The following GBF1 variants were observed in gnomAD, a reference collection of about 807,000 sequenced individuals.
GBF1 encodes Golgi-specific brefeldin A-resistance guanine nucleotide exchange factor 1.
In GBF1, 114 loss-of-function variants were observed where a neutral mutation model predicts 210.5. The ratio of observed to expected loss-of-function variants is 0.54; its 90% CI spans 0.47 to 0.63. The LOEUF is 0.63. GBF1 is among the 30% of genes least tolerant of loss of function. The pLI is 0.00. For synonymous variants in GBF1, 850 were observed against 889.2 expected (o/e 0.96, Z 0.78); for missense variants, 1,851 against 2,357.7 (o/e 0.79, Z 4.45).
Position 102,375,498 on chromosome 10 carries a change from T to C in GBF1, c.3800T>C (p.Leu1267Pro), listed in dbSNP as rs1224881800. 1 of 1,614,042 alleles carries C rather than the reference T, an allele frequency of 6.2e-7. No homozygotes were observed. Among genetic ancestry groups the C allele is most frequent in the African/African-American group, 1.3e-5 (1 of 75,048 alleles). The change falls in exon 30 of 40, where the codon CTC becomes CCC. Residue 1267 changes from leucine (L) to proline (P), a missense_variant. This residue lies in a region of GBF1 where 967 missense variants were observed against 1,247.7 expected (regional missense o/e 0.78). Transcript: ENST00000369983. ...NIHSGDDWAT[L>P]FTLLECIGSG... is the part of the protein sequence containing the mutation. ...CACTCAGGTGATGACTGGGCCACACTCTTCACACTGCTGGAGTGCATCGGC... is the reference window on the plus strand; with the variant it reads ...CACTCAGGTGATGACTGGGCCACACCCTTCACACTGCTGGAGTGCATCGGC...
chr10:102,363,192 A>G lies in GBF1; in HGVS notation c.1877-64A>G, dbSNP rs965676918. 1.1e-5 allele frequency: 16 copies of G among 1,470,900 alleles called. No individual in the cohort carries two copies. Among genetic ancestry groups the G allele is most frequent in the African/African-American group, 6.9e-5 (5 of 71,986 alleles). 91.1% of individuals were successfully genotyped at this position (1,470,900 alleles called of 1,614,324 possible). The stretch of plus-strand genomic sequence containing the variant: ...GTCTTCTGGGCTTGGGATTTGATCT[A>G]TCCTGCAGCTCTGCTTGGCTTCATA... On this transcript the variant is annotated intron_variant, in intron 15 of 39. Coordinates refer to ENST00000369983, the MANE Select transcript of GBF1 (RefSeq NM_001377137.1). The surrounding 1 kb of genome is among the most constrained non-coding windows in gnomAD (Gnocchi z 4.2).
At chr10:102,244,510 G>T (rs550271881), upstream of GBF1, among the ~76,000 whole-genome samples, 1 of 152,164 alleles carries the variant, frequency 6.6e-6, no homozygotes, top group African/African-American at 2.4e-5. Flanking sequence ...GCAAGGGGAG[G>T]AGGCAGCTGG....
At chr10:102,292,692 G>T (rs2076546196) in intron 3 of GBF1, among the ~76,000 whole-genome samples, 1 of 152,110 alleles carries the variant, frequency 6.6e-6, no homozygotes, top group African/African-American at 2.4e-5. Flanking sequence ...AGTCCCTAAA[G>T]TCCTAAGATT....
chr10:102,285,979 A>G (rs1304504738), intron 3 of GBF1, among the ~76,000 whole-genome samples: 1 of 152,158 alleles, frequency 6.6e-6, no homozygotes, highest in Non-Finnish European at 1.5e-5. Flanking sequence ...GCTTTAAAAA[A>G]AAAGGTTGAA....
rs768424104 is a variant in GBF1 at position 102,376,710 on chromosome 10, A to G, written c.4198A>G (p.Ile1400Val). The change falls in exon 32 of 40, where the codon ATT becomes GTT. Residue 1400 changes from isoleucine to valine, a missense_variant. By Grantham distance (29) the Ile-to-Val change is conservative. Coordinates refer to ENST00000369983, the MANE Select transcript of GBF1 (RefSeq NM_001377137.1). ...LLKCVESLSF[I>V]VRDAAHITPD... ...TAAGTGTGTGGAATCGCTGTCCTTCATTGTGCGTGATGCTGCCCACATCAC... is the reference window on the plus strand; with the variant it reads ...TAAGTGTGTGGAATCGCTGTCCTTCGTTGTGCGTGATGCTGCCCACATCAC... 5 of 1,613,220 alleles carry G rather than the reference A, an allele frequency of 3.1e-6. No homozygotes were observed. Among genetic ancestry groups the G allele is most frequent in the African/African-American group, 1.3e-5 (1 of 74,900 alleles).
intron 3 of GBF1, among the ~76,000 whole-genome samples, chr10:102,313,731 C>T (rs758087374): frequency 6.6e-6 from 1 of 152,190 alleles, no homozygotes; most frequent in Admixed American, 6.5e-5. Flanking sequence ...GGAACTAATC[C>T]TGTCCACCTA....
chr10:102,237,327 A>C, the GBF1 span, among the ~76,000 whole-genome samples: 101,818 of 151,806 alleles, frequency 0.67, 34,752 homozygotes, highest in African/African-American at 0.8. Flanking sequence ...GTTCAAGAGG[A>C]AGAGAAGGGG....
At chr10:102,297,263 A>G (rs534282609) in intron 3 of GBF1, among the ~76,000 whole-genome samples, 47 of 152,336 alleles carry the variant, frequency 3.1e-4, no homozygotes, top group African/African-American at 1.1e-3. Flanking sequence ...CAAGCAGCAT[A>G]GATGTACAGA....
chr10:102,295,657 C>A (rs935614328), intron 3 of GBF1, among the ~76,000 whole-genome samples: 4 of 151,930 alleles, frequency 2.6e-5, no homozygotes, highest in African/African-American at 9.7e-5. Flanking sequence ...GATATTTGGG[C>A]GTTTGTTAGT....
chr10:102,288,688 G>A (rs202110247), intron 3 of GBF1, among the ~76,000 whole-genome samples: 3 of 149,244 alleles, frequency 2.0e-5, no homozygotes, highest in Admixed American at 6.8e-5. Context: ...TCCGCAGTCC[G>A]GCCTGGGCGA....
chr10:102,336,095 A>T (rs918703453), intron 3 of GBF1, among the ~76,000 whole-genome samples: 3 of 152,018 alleles, frequency 2.0e-5, no homozygotes, highest in African/African-American at 4.8e-5. Flanking sequence ...AGGTCAGGAG[A>T]TCAAAACCAT....
intron 3 of GBF1, among the ~76,000 whole-genome samples, chr10:102,264,560 C>T (rs1227531507): frequency 6.6e-6 from 1 of 152,174 alleles, no homozygotes; most frequent in African/African-American, 2.4e-5. Flanking sequence ...TCCCCTCCCC[C>T]CACGGAGTGT....
intron 3 of GBF1, among the ~76,000 whole-genome samples, chr10:102,302,185 G>A (rs1235784965): frequency 6.6e-6 from 1 of 152,212 alleles, no homozygotes. Context: ...GAATCAGGCA[G>A]GGAGGTTGCA....
the GBF1 span, among the ~76,000 whole-genome samples, chr10:102,238,016 G>T: frequency 6.6e-6 from 1 of 152,072 alleles, no homozygotes; most frequent in Non-Finnish European, 1.5e-5. Context: ...GGTTGGGCAG[G>T]GAAGAAATAG....
chr10:102,256,001 A>C (rs1382231834), intron 1 of GBF1, among the ~76,000 whole-genome samples: 1 of 152,232 alleles, frequency 6.6e-6, no homozygotes, highest in Non-Finnish European at 1.5e-5. Flanking sequence ...GCTTGAGTGC[A>C]GTGGCACGAA....
Position 102,262,000 on chromosome 10 carries a change from T to C in GBF1, c.163+1884T>C, listed in dbSNP as rs149433045. Among the ~76,000 whole-genome samples, 6 of 152,322 alleles carry C rather than the reference T, an allele frequency of 3.9e-5. No individual in the cohort carries two copies. The East Asian group carries it at 1.2e-3, about 29-fold the overall frequency. ...CTTGGGTTCAAGCAAGTCTTCTGCC[T>C]CAGCCTCCTGAGTAACTGGGATTAT... On this transcript the variant is annotated intron_variant, in intron 3 of 39. Transcript: ENST00000369983.
Position 102,380,653 on chromosome 10 carries a change from C to T in GBF1, c.5140C>T (p.Arg1714Ter), listed in dbSNP as rs372056196. 4 of 1,613,526 alleles carry T rather than the reference C, an allele frequency of 2.5e-6. No homozygotes were observed. The highest frequency in any genetic ancestry group is 3.4e-6 in the Non-Finnish European group (4 of 1,179,708). Residue 1714 changes from arginine (R) to a stop codon, truncating the protein, a stop_gained, in exon 38 of 40, where the codon CGA (arginine) becomes TGA (stop). Transcript: ENST00000369983. LOFTEE classifies it high-confidence loss of function. Reference protein sequence around the residue: ...ERIDCFLPHLRDELFKQTVIQ... With the variant: ...ERIDCFLPHL ...CATTGACTGTTTTCTCCCTCACCTA[C>T]GAGATGAACTCTTCAAGCAGACCGT...
chr10:102,352,237 A>G (rs188325843), intron 6 of GBF1, among the ~76,000 whole-genome samples: 1 of 152,052 alleles, frequency 6.6e-6, no homozygotes, highest in East Asian at 1.9e-4. Context: ...CCAACCTGCA[A>G]CCCCCTAGAA....
At chr10:102,367,842 G>A (rs2059993647) in intron 21 of GBF1, among the ~76,000 whole-genome samples, 1 of 152,222 alleles carries the variant, frequency 6.6e-6, no homozygotes, top group Non-Finnish European at 1.5e-5. Flanking sequence ...TTCCTGTATA[G>A]ATTACAAGAT....
Sources: allele counts gnomAD v4.1 joint callset (sites outside exome capture counted in the v4.1 genomes callset), GRCh38; gene constraint gnomAD v4.1.1; regional missense constraint gnomAD v4.1.1; non-coding constraint Gnocchi (gnomAD v3.1); transcripts MANE v1.5; gene names NCBI Gene and HGNC (gene_info 2026-07-23, HGNC 2026-07-21).